Variants in DSCAM observed in about 807,000 individuals in gnomAD.
DSCAM encodes the protein cell adhesion molecule DSCAM.
In DSCAM, 47 loss-of-function variants were observed where a neutral mutation model predicts 217.7. The observed-to-expected ratio is 0.22, with a 90% CI of 0.17 to 0.28. DSCAM has a LOEUF of 0.28. Among genes scored for constraint, DSCAM ranks in the 10% least tolerant of loss-of-function variants. The pLI is 1.00. For missense variants in DSCAM, 2,080 were observed against 2,618.3 expected, an observed-to-expected ratio of 0.79 and a Z score of 4.49; for synonymous variants, 1,056 against 1,015.3, an observed-to-expected ratio of 1.04 and a Z score of -0.76.
At chr21:40,349,326 A>C (rs1279955688) in intron 5 of DSCAM, among the ~76,000 whole-genome samples, 2 of 151,744 alleles carry the variant, frequency 1.3e-5, no homozygotes, top group Non-Finnish European at 2.9e-5. Flanking sequence ...GGAAAAAAAA[A>C]ACAAAAACAG....
At chr21:40,765,799 G>C (rs540945604) in intron 1 of DSCAM, among the ~76,000 whole-genome samples, 1 of 152,178 alleles carries the variant, frequency 6.6e-6, no homozygotes, top group Non-Finnish European at 1.5e-5. Flanking sequence ...CATGATCAGC[G>C]ATCAGTGCCT....
In DSCAM at chr21:40,604,617, T is replaced by C. The variant is rs1486900919; in HGVS notation, c.508+88193A>G. 2.6e-5 allele frequency among the ~76,000 whole-genome samples: 4 copies of C among 152,256 alleles called. 1 individual carries two copies. In the East Asian group the frequency reaches 5.8e-4, roughly 22 times the overall value. ...ATGTAGCTGCAGGTGACACAGCCTT[T>C]AGTTTCTTTATCTCACTTTTCTCTC... On this transcript the variant is annotated intron_variant, in intron 3 of 32. Coordinates refer to ENST00000400454, the MANE Select transcript of DSCAM (RefSeq NM_001389.5).
At chr21:40,515,047 T>C (rs961314860) in intron 3 of DSCAM, among the ~76,000 whole-genome samples, 1 of 152,202 alleles carries the variant, frequency 6.6e-6, no homozygotes, top group East Asian at 1.9e-4. Flanking sequence ...CTTAAAAATA[T>C]TGGTACATCA....
At chr21:40,399,213 A>T (rs1212015788) in intron 3 of DSCAM, among the ~76,000 whole-genome samples, 7 of 152,186 alleles carry the variant, frequency 4.6e-5, no homozygotes, top group African/African-American at 1.7e-4. Flanking sequence ...AAGGCTGCAG[A>T]GAGCTATGAC....
At chr21:40,261,651 C>CCACACACACACACACA (rs1569029364) in intron 11 of DSCAM, among the ~76,000 whole-genome samples, 1 of 94,092 alleles carries the variant, frequency 1.1e-5, no homozygotes, top group African/African-American at 3.1e-5. Context: ...CTCTCTCTCT[C>CCACACACACACACACA]TACACACACA....
At chr21:40,773,651 C>A (rs2091464804) in intron 1 of DSCAM, among the ~76,000 whole-genome samples, 1 of 152,170 alleles carries the variant, frequency 6.6e-6, no homozygotes, top group Non-Finnish European at 1.5e-5. Context: ...GCCTACAAGC[C>A]AAGGTAAGTA....
chr21:40,239,685 C>T (rs1158449174), intron 11 of DSCAM, among the ~76,000 whole-genome samples: 2 of 152,130 alleles, frequency 1.3e-5, no homozygotes, highest in African/African-American at 2.4e-5. Flanking sequence ...ACAGATGAGG[C>T]TCAATATGGC....
chr21:40,541,488 C>G (rs963265273), intron 3 of DSCAM, among the ~76,000 whole-genome samples: 2 of 152,058 alleles, frequency 1.3e-5, no homozygotes, highest in African/African-American at 2.4e-5. Context: ...TTGTCTGTAC[C>G]ATTTATTCTG....
intron 11 of DSCAM, among the ~76,000 whole-genome samples, chr21:40,237,735 T>C (rs2073098670): frequency 6.6e-6 from 1 of 152,170 alleles, no homozygotes; most frequent in African/African-American, 2.4e-5. Flanking sequence ...TACCTAGTAA[T>C]GGGATTGCTG....
At chr21:40,606,099 C>T (rs908282162) in intron 3 of DSCAM, among the ~76,000 whole-genome samples, 1 of 152,034 alleles carries the variant, frequency 6.6e-6, no homozygotes, top group Non-Finnish European at 1.5e-5. Flanking sequence ...CTGTGCCCAG[C>T]CAATGCACAT....
chr21:40,651,386 G>C (rs2090011714), intron 3 of DSCAM, among the ~76,000 whole-genome samples: 1 of 152,214 alleles, frequency 6.6e-6, no homozygotes, highest in South Asian at 2.1e-4. Flanking sequence ...TGGTTCAAAA[G>C]TTAGCACATT....
chr21:40,314,148 T>C lies in DSCAM; in HGVS notation c.1784-1789A>G, dbSNP rs142933134. On this transcript the variant is annotated intron_variant, in intron 8 of 32. Transcript: ENST00000400454. ...CCAGTGGAGCTTCCATATATAGCCA[T>C]AGGCCGCAGACAGCAAGGAAGTGCA... Among the ~76,000 whole-genome samples, 774 of 152,316 alleles carry C rather than the reference T, an allele frequency of 5.1e-3. 3 individuals are homozygous for C. Among genetic ancestry groups the C allele is most frequent in the Middle Eastern group, 0.014 (4 of 294 alleles).
chr21:40,638,489 A>G (rs1032523464), intron 3 of DSCAM, among the ~76,000 whole-genome samples: 38 of 152,246 alleles, frequency 2.5e-4, no homozygotes, highest in African/African-American at 8.9e-4. Flanking sequence ...ATTCCAGTTT[A>G]ACATTTGGAT....
chr21:40,195,958 C>CT (rs1010849763), intron 11 of DSCAM, among the ~76,000 whole-genome samples: 5 of 152,172 alleles, frequency 3.3e-5, no homozygotes, highest in Non-Finnish European at 5.9e-5. Flanking sequence ...AATGTGTTTT[C>CT]TTTGTTATCA....
intron 3 of DSCAM, among the ~76,000 whole-genome samples, chr21:40,439,165 T>C (rs2075609663): frequency 6.6e-6 from 1 of 152,198 alleles, no homozygotes; most frequent in Non-Finnish European, 1.5e-5. Context: ...TCCTGTATCA[T>C]GGAGCTGTTG....
chr21:40,612,919 C>G (rs2089335301), intron 3 of DSCAM, among the ~76,000 whole-genome samples: 1 of 152,052 alleles, frequency 6.6e-6, no homozygotes, highest in Non-Finnish European at 1.5e-5. Flanking sequence ...TTCATTTTTT[C>G]TTTCCAGGTT....
At position 40,667,721 on chromosome 21, in the gene DSCAM, T is replaced by G. The variant is rs537770350; in HGVS notation, c.508+25089A>C. On this transcript the variant is annotated intron_variant, in intron 3 of 32. Coordinates refer to ENST00000400454, the MANE Select transcript of DSCAM (RefSeq NM_001389.5). ...TAAGGGGCTTTTCCCCGCTTTTGCT[T>G]GGCACTTGTCTCTCCTGTCGCCATG... Among the ~76,000 whole-genome samples, 51 of 152,264 alleles carry G rather than the reference T, an allele frequency of 3.3e-4. 1 individual carries two copies. The South Asian group carries it at 1.0e-2, about 30-fold the overall frequency.
At chr21:40,094,487 T>C (rs1423876887) in intron 20 of DSCAM, among the ~76,000 whole-genome samples, 3 of 152,066 alleles carry the variant, frequency 2.0e-5, no homozygotes, top group African/African-American at 4.8e-5. Context: ...GCTCTGGAGA[T>C]TGAAGAGGGT....
chr21:40,338,503 C>T (rs2123588441), intron 7 of DSCAM, 127 bp from the exon 8 acceptor site: 2 of 1,058,358 alleles, frequency 1.9e-6, no homozygotes, highest in African/African-American at 3.2e-5. Flanking sequence ...TTCAGTTAAA[C>T]AAATATTTTT....
Sources: allele counts gnomAD v4.1 joint callset (sites outside exome capture counted in the v4.1 genomes callset), GRCh38; gene constraint gnomAD v4.1.1; transcripts MANE v1.5; gene names NCBI Gene and HGNC (gene_info 2026-07-23, HGNC 2026-07-21).